Variants in GRM7 observed in about 807,000 individuals in gnomAD.
GRM7 encodes glutamate metabotropic receptor 7, also known as metabotropic glutamate receptor 7.
A neutral mutation model predicts 84.5 loss-of-function variants in GRM7; 35 were observed. The ratio of observed to expected loss-of-function variants is 0.41; its 90% CI spans 0.32 to 0.55. The LOEUF (loss-of-function observed/expected upper bound fraction) is 0.55. Ranked by LOEUF, GRM7 falls within the 20% of genes least tolerant of loss-of-function variation. The pLI is 0.19. For synonymous variants in GRM7, 487 were observed against 455.1 expected (o/e 1.07, Z -0.89); for missense variants, 1,003 against 1,194.6 (o/e 0.84, Z 2.36).
chr3:7,034,094 T>C (rs1207034705), intron 1 of GRM7, among the ~76,000 whole-genome samples: 8 of 152,132 alleles, frequency 5.3e-5, no homozygotes, highest in African/African-American at 1.9e-4. Context: ...ACAAAGTATA[T>C]AGAAATTGGT....
At chr3:7,494,984 G>T (rs1369427957) in intron 7 of GRM7, among the ~76,000 whole-genome samples, 1 of 152,018 alleles carries the variant, frequency 6.6e-6, no homozygotes, top group Non-Finnish European at 1.5e-5. Flanking sequence ...TGATTTTCTT[G>T]GTTCTTAGTA....
intron 1 of GRM7, among the ~76,000 whole-genome samples, chr3:6,925,371 C>T (rs968783250): frequency 6.6e-6 from 1 of 152,104 alleles, no homozygotes; most frequent in Non-Finnish European, 1.5e-5. Flanking sequence ...ACTCAGCACC[C>T]TTCTCAAAAG....
chr3:7,120,356 A>G (rs1693175662), intron 1 of GRM7, among the ~76,000 whole-genome samples: 1 of 152,064 alleles, frequency 6.6e-6, no homozygotes, highest in South Asian at 2.1e-4. Context: ...ATTTTTAGGG[A>G]GTGAGAAGCT....
At chr3:7,277,907 G>A (rs1365741356) in intron 2 of GRM7, among the ~76,000 whole-genome samples, 1 of 151,870 alleles carries the variant, frequency 6.6e-6, no homozygotes, top group African/African-American at 2.4e-5. Flanking sequence ...TCTTCCTTAG[G>A]CCACTATGAG....
chr3:7,567,684 G>A lies in GRM7; in HGVS notation c.1516-10738G>A, dbSNP rs939777303. Among the ~76,000 whole-genome samples the A allele has an allele frequency of 3.8e-4, 52 of 138,216 alleles. 1 individual carries two copies. Among genetic ancestry groups the A allele is most frequent in the Non-Finnish European group, 7.5e-4 (49 of 65,514 alleles). The allele number at this position is 138,216 out of a possible 152,430, so 90.7% of individuals were successfully genotyped here. A position where few individuals can be genotyped will look rare whatever the true frequency, so the allele number is the denominator to read the frequency against. Reference sequence around the variant, plus strand: ...AATTGCTTGAACCCGGGAGGCAGAGGTTGCAGTGAGCCCAGATCATGCCAC... The same window carrying A: ...AATTGCTTGAACCCGGGAGGCAGAGATTGCAGTGAGCCCAGATCATGCCAC... On this transcript the variant is annotated intron_variant, in intron 7 of 9. Coordinates refer to ENST00000357716, the MANE Select transcript of GRM7 (RefSeq NM_000844.4).
At chr3:7,627,384 G>A (rs181867260) in intron 8 of GRM7, among the ~76,000 whole-genome samples, 1 of 152,076 alleles carries the variant, frequency 6.6e-6, no homozygotes, top group Non-Finnish European at 1.5e-5. Flanking sequence ...CTGTTTCAGA[G>A]GTTCTCATTA....
chr3:7,344,882 A>G (rs1487519451), intron 4 of GRM7, among the ~76,000 whole-genome samples: 3 of 152,150 alleles, frequency 2.0e-5, no homozygotes, highest in Non-Finnish European at 2.9e-5. Flanking sequence ...GTAGTTAACA[A>G]TTCATTGTAT....
At chr3:7,045,852 T>C (rs1696787774) in intron 1 of GRM7, among the ~76,000 whole-genome samples, 1 of 152,178 alleles carries the variant, frequency 6.6e-6, no homozygotes, top group East Asian at 1.9e-4. Context: ...GAATCATAGA[T>C]ATTCCTTTGA....
intron 7 of GRM7, among the ~76,000 whole-genome samples, chr3:7,496,344 T>G (rs2124957738): frequency 6.6e-6 from 1 of 152,242 alleles, no homozygotes; most frequent in Non-Finnish European, 1.5e-5. Context: ...AGTGCTCTGA[T>G]CAGGAATGCT....
At chr3:7,536,937 G>T (rs1701266998) in intron 7 of GRM7, among the ~76,000 whole-genome samples, 1 of 152,124 alleles carries the variant, frequency 6.6e-6, no homozygotes, top group Non-Finnish European at 1.5e-5. Flanking sequence ...AATTTTTATG[G>T]AATAATAGAT....
At chr3:7,275,656 G>T (rs1048598912) in intron 2 of GRM7, among the ~76,000 whole-genome samples, 1 of 152,042 alleles carries the variant, frequency 6.6e-6, no homozygotes, top group Non-Finnish European at 1.5e-5. Flanking sequence ...ATAAAACCCC[G>T]GCAAGTTAGG....
intron 8 of GRM7, among the ~76,000 whole-genome samples, chr3:7,679,373 C>A (rs150186585): frequency 8.0e-4 from 121 of 150,920 alleles, no homozygotes; most frequent in African/African-American, 2.8e-3. Flanking sequence ...CACAAACCAT[C>A]CAAACTGCAA....
intron 1 of GRM7, among the ~76,000 whole-genome samples, chr3:6,933,960 G>C (rs889892306): frequency 6.6e-6 from 1 of 152,106 alleles, no homozygotes; most frequent in African/African-American, 2.4e-5. Flanking sequence ...GATCAGGGTG[G>C]AAAGTTAAAT....
intron 7 of GRM7, among the ~76,000 whole-genome samples, chr3:7,570,473 C>T (rs1216263368): frequency 1.3e-5 from 2 of 152,188 alleles, no homozygotes; most frequent in African/African-American, 2.4e-5. Context: ...GTCCAAAATC[C>T]AGCAGGGCAG....
intron 1 of GRM7, among the ~76,000 whole-genome samples, chr3:7,026,764 A>G (rs1028275014): frequency 1.3e-5 from 2 of 152,182 alleles, no homozygotes; most frequent in African/African-American, 4.8e-5. Flanking sequence ...ATGACTCACA[A>G]TAAAACACAG....
intron 4 of GRM7, among the ~76,000 whole-genome samples, chr3:7,344,946 A>G (rs1692823035): frequency 6.6e-6 from 1 of 152,182 alleles, no homozygotes; most frequent in East Asian, 1.9e-4. Context: ...TACAAATGTT[A>G]AATGTTTGAG....
intron 2 of GRM7, among the ~76,000 whole-genome samples, chr3:7,236,138 C>T (rs1697340640): frequency 6.6e-6 from 1 of 152,074 alleles, no homozygotes; most frequent in Non-Finnish European, 1.5e-5. Flanking sequence ...TCACTAATAC[C>T]ATTTATAAAG....
chr3:7,287,744 C>A (rs527509802), intron 2 of GRM7, among the ~76,000 whole-genome samples: 19 of 151,906 alleles, frequency 1.3e-4, no homozygotes, highest in African/African-American at 4.1e-4. Flanking sequence ...TGATAAATCT[C>A]AAATTTAAAA....
intron 4 of GRM7, among the ~76,000 whole-genome samples, chr3:7,380,373 T>TA (rs1694539486): frequency 0.015 from 2 of 136 alleles, no homozygotes; most frequent in Non-Finnish European, 0.033. Flanking sequence ...AGGACCAAAA[T>TA]TTGCTTTCTG....
Sources: allele counts gnomAD v4.1 joint callset (sites outside exome capture counted in the v4.1 genomes callset), GRCh38; gene constraint gnomAD v4.1.1; transcripts MANE v1.5; gene names NCBI Gene and HGNC (gene_info 2026-07-23, HGNC 2026-07-21).